EXT1: variants seen among roughly 807,000 people sequenced by gnomAD.
The protein encoded by EXT1 is exostosin-1.
In EXT1, 20 loss-of-function variants were observed where a neutral mutation model predicts 82.5. That is an observed-to-expected ratio of 0.24 (90% CI 0.17 to 0.35). The LOEUF (loss-of-function observed/expected upper bound fraction) is 0.35. Ranked by LOEUF, EXT1 falls within the 10% of genes least tolerant of loss-of-function variation. EXT1 has a pLI of 1.00. For missense variants in EXT1, 757 were observed against 936.5 expected (o/e 0.81, Z 2.50); for synonymous variants, 348 against 350.8 (o/e 0.99, Z 0.09).
chr8:117,917,745 G>A (rs1304515429), intron 1 of EXT1, among the ~76,000 whole-genome samples: 1 of 152,126 alleles, frequency 6.6e-6, no homozygotes, highest in East Asian at 1.9e-4. Flanking sequence ...GCAGATGAAG[G>A]TGTGCCTGGA....
chr8:117,926,303 T>C (rs77499883), intron 1 of EXT1, among the ~76,000 whole-genome samples: 3,207 of 152,314 alleles, frequency 0.021, 47 homozygotes, highest in Middle Eastern at 0.048. Flanking sequence ...GGCCCTGAAA[T>C]GGATCTAAGC....
chr8:117,816,805 T>A (rs1811829149), intron 7 of EXT1, among the ~76,000 whole-genome samples: 1 of 152,224 alleles, frequency 6.6e-6, no homozygotes, highest in Non-Finnish European at 1.5e-5. Flanking sequence ...CTGGATTGTG[T>A]CTGAATATCC....
At chr8:117,914,958 T>A (rs1813719535) in intron 1 of EXT1, among the ~76,000 whole-genome samples, 1 of 152,166 alleles carries the variant, frequency 6.6e-6, no homozygotes, top group Admixed American at 6.5e-5. Flanking sequence ...TTTTTGCCCT[T>A]TGAAGCATGT....
At chr8:117,893,259 A>G (rs1033924068) in intron 1 of EXT1, among the ~76,000 whole-genome samples, 4 of 152,242 alleles carry the variant, frequency 2.6e-5, no homozygotes, top group Admixed American at 2.0e-4. Context: ...TGCTAAATAA[A>G]TAACGAAAAT....
At chr8:117,829,154 T>C (rs963230650) in intron 4 of EXT1, among the ~76,000 whole-genome samples, 2 of 152,188 alleles carry the variant, frequency 1.3e-5, no homozygotes, top group Non-Finnish European at 2.9e-5. Context: ...CTCTCCTTTC[T>C]TCAAGCTTGT....
At chr8:118,081,460 C>T (rs1586262405) in intron 1 of EXT1, among the ~76,000 whole-genome samples, 1 of 152,290 alleles carries the variant, frequency 6.6e-6, no homozygotes, top group East Asian at 1.9e-4. Context: ...GAATGCAGAA[C>T]CAGATCATCT....
chr8:117,809,218 A>ATATATATATATATAT (rs1823280806), intron 8 of EXT1, among the ~76,000 whole-genome samples: 5 of 107,946 alleles, frequency 4.6e-5, no homozygotes, highest in Non-Finnish European at 7.7e-5. Flanking sequence ...TGTGTGTATA[A>ATATATATATATATAT]ATATATATAT....
At chr8:117,971,306 CTTAG>C (rs1814934807) in intron 1 of EXT1, among the ~76,000 whole-genome samples, 1 of 152,156 alleles carries the variant, frequency 6.6e-6, no homozygotes, top group Admixed American at 6.5e-5. Flanking sequence ...CCCTCAAAGC[CTTAG>C]TAAGTGGGCA....
At chr8:117,952,041 C>A (rs1814499924) in intron 1 of EXT1, among the ~76,000 whole-genome samples, 2 of 152,096 alleles carry the variant, frequency 1.3e-5, no homozygotes, top group Admixed American at 1.3e-4. Context: ...ATGGTTTGGA[C>A]CTTATCTAAC....
chr8:118,071,204 C>T (rs1182498607), intron 1 of EXT1, among the ~76,000 whole-genome samples: 1 of 152,128 alleles, frequency 6.6e-6, no homozygotes, highest in Admixed American at 6.5e-5. Context: ...TCAGCATTTC[C>T]ATCCTTAGGA....
At chr8:117,839,526 G>A (rs1812240680) in intron 1 of EXT1, among the ~76,000 whole-genome samples, 1 of 152,126 alleles carries the variant, frequency 6.6e-6, no homozygotes, top group African/African-American at 2.4e-5. Context: ...TCACATAGAG[G>A]CTCATACAGA....
intron 1 of EXT1, among the ~76,000 whole-genome samples, chr8:117,938,535 G>A (rs1275138997): frequency 6.6e-6 from 1 of 152,160 alleles, no homozygotes; most frequent in Non-Finnish European, 1.5e-5. Context: ...GCCACACTTT[G>A]AGTGCTCCAC....
At chr8:117,864,524 C>A (rs571420316) in intron 1 of EXT1, among the ~76,000 whole-genome samples, 4 of 152,036 alleles carry the variant, frequency 2.6e-5, no homozygotes, top group Non-Finnish European at 4.4e-5. Flanking sequence ...CCGAGGCGGG[C>A]GGATCACGAG....
At chr8:117,864,894 C>T (rs1056643680) in intron 1 of EXT1, among the ~76,000 whole-genome samples, 1 of 152,126 alleles carries the variant, frequency 6.6e-6, no homozygotes, top group Non-Finnish European at 1.5e-5. Context: ...TCTAGATAAT[C>T]CCTACTTCCT....
intron 1 of EXT1, among the ~76,000 whole-genome samples, chr8:117,948,873 G>T (rs1814438180): frequency 6.6e-6 from 1 of 152,042 alleles, no homozygotes; most frequent in Non-Finnish European, 1.5e-5. Context: ...TTATGTTTTG[G>T]GTTGTTGGTT....
intron 1 of EXT1, among the ~76,000 whole-genome samples, chr8:118,049,173 A>G (rs1563640150): frequency 6.6e-6 from 1 of 152,252 alleles, no homozygotes. Flanking sequence ...CTACAAAATA[A>G]GCTAATTTTT....
At chr8:117,913,522 ACT>A (rs1813691620) in intron 1 of EXT1, among the ~76,000 whole-genome samples, 1 of 152,008 alleles carries the variant, frequency 6.6e-6, no homozygotes, top group Non-Finnish European at 1.5e-5. Context: ...AAAAGCAGAG[ACT>A]CTCTTTAACC....
intron 1 of EXT1, among the ~76,000 whole-genome samples, chr8:117,926,355 C>T (rs753638055): frequency 8.5e-5 from 13 of 152,148 alleles, no homozygotes; most frequent in Non-Finnish European, 7.3e-5. Context: ...GATTAAAACT[C>T]GAGTGAGTTC....
At chr8:118,055,379 T>C (rs1482948052) in intron 1 of EXT1, among the ~76,000 whole-genome samples, 2 of 152,244 alleles carry the variant, frequency 1.3e-5, no homozygotes, top group Non-Finnish European at 2.9e-5. Context: ...ACTCATCCAT[T>C]CACCTCTGAT....
Sources: allele counts gnomAD v4.1 joint callset (sites outside exome capture counted in the v4.1 genomes callset), GRCh38; gene constraint gnomAD v4.1.1; transcripts MANE v1.5; gene names NCBI Gene and HGNC (gene_info 2026-07-23, HGNC 2026-07-21).